MIPOL1: variants seen among roughly 807,000 people sequenced by gnomAD.
The protein encoded by MIPOL1 is mirror-image polydactyly gene 1 protein.
A neutral mutation model predicts 60.9 loss-of-function variants in MIPOL1; 57 were observed. That is an observed-to-expected ratio of 0.94 (90% CI 0.76 to 1.17). The LOEUF is 1.17. Ranked by LOEUF, MIPOL1 falls within the 50% of genes most tolerant of loss-of-function variation. The probability of loss-of-function intolerance (pLI) is 0.00; values close to 1 mark genes in which losing one functional copy is unlikely to be tolerated. For synonymous variants in MIPOL1, 179 were observed against 168.8 expected (o/e 1.06, Z -0.47); for missense variants, 551 against 511.6 (o/e 1.08, Z -0.74).
intron 1 of MIPOL1, among the ~76,000 whole-genome samples, chr14:37,229,598 T>G (rs937112163): frequency 6.6e-6 from 1 of 152,220 alleles, no homozygotes; most frequent in South Asian, 2.1e-4. Context: ...GATATATACT[T>G]AAATTCCATA....
intron 9 of MIPOL1, among the ~76,000 whole-genome samples, chr14:37,327,973 G>A (rs550652394): frequency 6.6e-6 from 1 of 152,122 alleles, no homozygotes; most frequent in South Asian, 2.1e-4. Context: ...TGTTGTTTGG[G>A]TGACCATTGC....
At chr14:37,295,761 A>T (rs1329270368) in intron 7 of MIPOL1, among the ~76,000 whole-genome samples, 1 of 152,230 alleles carries the variant, frequency 6.6e-6, no homozygotes, top group African/African-American at 2.4e-5. Context: ...TAACTATCCT[A>T]AATATATATG....
At chr14:37,352,073 A>G (rs1388997740) in intron 9 of MIPOL1, among the ~76,000 whole-genome samples, 2 of 49,750 alleles carry the variant, frequency 4.0e-5, no homozygotes, top group African/African-American at 7.2e-5. Context: ...TCTTGAATTG[A>G]TTTTTGTATA....
intron 9 of MIPOL1, among the ~76,000 whole-genome samples, chr14:37,361,213 A>G (rs2092214854): frequency 6.6e-6 from 1 of 152,134 alleles, no homozygotes; most frequent in Non-Finnish European, 1.5e-5. Flanking sequence ...TCTTTTACAT[A>G]TGCTAAGGAA....
chr14:37,296,286 C>G (rs8015174), intron 7 of MIPOL1, among the ~76,000 whole-genome samples: 146,374 of 152,080 alleles, frequency 0.96, 70,551 homozygotes, highest in East Asian at 1. Context: ...ACCAGAATCT[C>G]TGGGACACAT....
At chr14:37,288,432 A>G (rs2084773368) in intron 7 of MIPOL1, among the ~76,000 whole-genome samples, 1 of 152,152 alleles carries the variant, frequency 6.6e-6, no homozygotes. Context: ...GTTAAGCTAT[A>G]GGGTGTGGGT....
At chr14:37,529,966 A>C (rs532761174) in intron 12 of MIPOL1, among the ~76,000 whole-genome samples, 3 of 152,210 alleles carry the variant, frequency 2.0e-5, no homozygotes, top group Non-Finnish European at 4.4e-5. Flanking sequence ...TTACTTGATG[A>C]AAATAGCATT....
At chr14:37,457,856 A>G (rs984877169) in intron 11 of MIPOL1, among the ~76,000 whole-genome samples, 1 of 152,122 alleles carries the variant, frequency 6.6e-6, no homozygotes, top group African/African-American at 2.4e-5. Flanking sequence ...TGGGTTCACA[A>G]GTTACCTGGC....
chr14:37,511,856 A>G (rs1017594048), intron 12 of MIPOL1, among the ~76,000 whole-genome samples: 1 of 152,182 alleles, frequency 6.6e-6, no homozygotes, highest in Non-Finnish European at 1.5e-5. Flanking sequence ...CATAAACTAT[A>G]TGAAGAGTTA....
At chr14:37,456,923 G>C (rs751612518) in intron 11 of MIPOL1, among the ~76,000 whole-genome samples, 7 of 152,100 alleles carry the variant, frequency 4.6e-5, no homozygotes, top group Non-Finnish European at 8.8e-5. Context: ...TGTTTTTACA[G>C]TTGACTAGTT....
intron 7 of MIPOL1, among the ~76,000 whole-genome samples, chr14:37,299,221 C>T (rs910099122): frequency 1.1e-4 from 16 of 151,672 alleles, no homozygotes; most frequent in African/African-American, 3.1e-4. Flanking sequence ...ACCTCATGTT[C>T]TCACTCATAG....
rs372844256 is a variant in MIPOL1 at position 37,342,925 on chromosome 14, A to T, written c.829-26592A>T. ...GTTTAAAATATGAATATAAATTACT[A>T]TATTATTAAATCTCTAGTTATTTAT... On this transcript the variant is annotated intron_variant, in intron 9 of 12. Coordinates refer to ENST00000684589, the MANE Select transcript of MIPOL1 (RefSeq NM_001388067.1). 2.0e-3 allele frequency among the ~76,000 whole-genome samples: 7 copies of T among 3,496 alleles called. No homozygotes were observed. In the Non-Finnish European group the frequency reaches 0.023, roughly 11 times the overall value. The allele number at this position is 3,496 out of a possible 152,430, so 2.3% of individuals were successfully genotyped here.
intron 10 of MIPOL1, 200 bp downstream of exon 10, chr14:37,369,824 C>A: frequency 3.2e-6 from 1 of 315,350 alleles, no homozygotes; most frequent in Non-Finnish European, 5.8e-6. Flanking sequence ...GAAAACAACA[C>A]ATTTTCTGAA....
intron 11 of MIPOL1, among the ~76,000 whole-genome samples, chr14:37,447,571 G>T (rs181368214): frequency 6.6e-6 from 1 of 152,192 alleles, no homozygotes; most frequent in Admixed American, 6.5e-5. Context: ...GCACTGAAAT[G>T]CTTTATAGTT....
chr14:37,509,023 G>T (rs769656712), intron 12 of MIPOL1, among the ~76,000 whole-genome samples: 2 of 151,890 alleles, frequency 1.3e-5, no homozygotes, highest in Non-Finnish European at 2.9e-5. Flanking sequence ...TTCTTTCGGG[G>T]ATTACATCTC....
chr14:37,262,554 C>A (rs527984514), intron 3 of MIPOL1, among the ~76,000 whole-genome samples: 2 of 152,048 alleles, frequency 1.3e-5, no homozygotes. Context: ...TTCTCACCCC[C>A]CAAAAGACAG....
At chr14:37,426,594 T>TATATATATATATATATATACAC (rs1447990257) in intron 11 of MIPOL1, among the ~76,000 whole-genome samples, 3 of 125,412 alleles carry the variant, frequency 2.4e-5, no homozygotes, top group African/African-American at 8.9e-5. Flanking sequence ...TATATATATA[T>TATATATATATATATATATACAC]ACACACACAC....
intron 12 of MIPOL1, among the ~76,000 whole-genome samples, chr14:37,521,229 G>A (rs924978187): frequency 2.1e-5 from 2 of 93,680 alleles, no homozygotes; most frequent in South Asian, 3.3e-4. Flanking sequence ...GAGCCACTGC[G>A]CCCAGCCACA....
At chr14:37,276,883 T>C (rs1209221668) in intron 6 of MIPOL1, 1 of 151,208 alleles carries the variant, frequency 6.6e-6, no homozygotes, top group Non-Finnish European at 1.5e-5. Context: ...CAGGTAGAAA[T>C]ATTGATAGAC....
Sources: allele counts gnomAD v4.1 joint callset (sites outside exome capture counted in the v4.1 genomes callset), GRCh38; gene constraint gnomAD v4.1.1; transcripts MANE v1.5; gene names NCBI Gene and HGNC (gene_info 2026-07-23, HGNC 2026-07-21).